Variants in DPP8 observed in about 807,000 individuals in gnomAD.
The protein encoded by DPP8 is DPP VIII.
DPP8 carries 31 observed loss-of-function variants against 107.5 expected under a neutral mutation model. That is an observed-to-expected ratio of 0.29 (90% CI 0.22 to 0.39). DPP8 has a LOEUF of 0.39. Among genes scored for constraint, DPP8 ranks in the 10% least tolerant of loss-of-function variants. The pLI is 1.00. For synonymous variants in DPP8, 381 were observed against 356.6 expected, an observed-to-expected ratio of 1.07 and a Z score of -0.77; for missense variants, 842 against 1,076.1, an observed-to-expected ratio of 0.78 and a Z score of 3.04.
At chr15:65,472,688 T>G (rs1362016610) in intron 12 of DPP8, among the ~76,000 whole-genome samples, 1 of 152,170 alleles carries the variant, frequency 6.6e-6, no homozygotes, top group Middle Eastern at 3.2e-3. Flanking sequence ...CAACTTTTGC[T>G]AGGCTCTAAA....
intron 12 of DPP8, among the ~76,000 whole-genome samples, chr15:65,472,993 G>T (rs1252484574): frequency 6.6e-6 from 1 of 151,322 alleles, no homozygotes; most frequent in Non-Finnish European, 1.5e-5. Context: ...AGCCAAGATT[G>T]TGCCACTGCA....
At chr15:65,485,416 C>T (rs8040330) in intron 7 of DPP8, among the ~76,000 whole-genome samples, 14 of 151,362 alleles carry the variant, frequency 9.2e-5, no homozygotes, top group African/African-American at 3.2e-4. Context: ...TGGTGGTGTG[C>T]GCCTGTAATC....
intron 16 of DPP8, 146 bp downstream of exon 16, chr15:65,456,079 C>T: frequency 1.9e-6 from 2 of 1,040,280 alleles, no homozygotes; most frequent in Non-Finnish European, 1.4e-6. Context: ...GTTGCATCTT[C>T]TCTCCCACCC....
intron 12 of DPP8, among the ~76,000 whole-genome samples, chr15:65,470,176 C>A (rs2065735486): frequency 1.0e-5 from 1 of 97,448 alleles, no homozygotes; most frequent in Non-Finnish European, 1.8e-5. Context: ...GCCTGTGCAA[C>A]AGAGTGAGAC....
intron 7 of DPP8, among the ~76,000 whole-genome samples, chr15:65,485,790 T>C (rs996111198): frequency 1.3e-5 from 2 of 151,344 alleles, no homozygotes; most frequent in East Asian, 2.0e-4. Flanking sequence ...AAACCCCATA[T>C]CTACAAAAAA....
At chr15:65,458,883 G>T (rs1281394715) in intron 15 of DPP8, 2 of 152,038 alleles carry the variant, frequency 1.3e-5, no homozygotes, top group Admixed American at 1.3e-4. Flanking sequence ...TCCTACATTA[G>T]AGAGTCACTT....
At chr15:65,481,226 T>C (rs2066899113) in intron 9 of DPP8, among the ~76,000 whole-genome samples, 1 of 152,202 alleles carries the variant, frequency 6.6e-6, no homozygotes, top group South Asian at 2.1e-4. Context: ...ATTTAAAAAA[T>C]ACACATTTAT....
chr15:65,509,721 A>T (rs1223182909), intron 2 of DPP8, among the ~76,000 whole-genome samples: 1 of 152,186 alleles, frequency 6.6e-6, no homozygotes, highest in Non-Finnish European at 1.5e-5. Context: ...ATGATTTCTT[A>T]TAAAAGAAAA....
intron 10 of DPP8, 28 bp from the exon 11 acceptor site, chr15:65,479,067 T>C (rs1595969791): frequency 1.4e-6 from 2 of 1,462,234 alleles, no homozygotes; most frequent in Non-Finnish European, 1.8e-6. Flanking sequence ...AAATTTACTA[T>C]ACATATTATG....
At chr15:65,447,045 A>G (rs2063532471) in intron 19 of DPP8, 39 bp from the exon 20 acceptor site, 2 of 1,466,162 alleles carry the variant, frequency 1.4e-6, no homozygotes, top group Non-Finnish European at 9.2e-7. Context: ...AAAAAAAAAA[A>G]GAATTTAGTA....
intron 14 of DPP8, 27 bp downstream of exon 14, chr15:65,466,651 G>T: frequency 6.2e-7 from 1 of 1,600,486 alleles, no homozygotes; most frequent in Non-Finnish European, 8.6e-7. Context: ...CCTACTTAAC[G>T]TCAGGATCAG....
chr15:65,498,896 ATTT>A (rs887495815), intron 4 of DPP8, among the ~76,000 whole-genome samples: 1 of 151,950 alleles, frequency 6.6e-6, no homozygotes, highest in Non-Finnish European at 1.5e-5. Flanking sequence ...TCTAAAAAAA[ATTT>A]TTTAAATTAG....
At position 65,490,289 on chromosome 15, in the gene DPP8, G is replaced by A. The variant is rs898693004; in HGVS notation, c.726C>T (p.Asn242=). The change falls in exon 6 of 20, where the codon AAC becomes AAT. Residue 242 remains asparagine, a synonymous_variant. Coordinates refer to ENST00000300141, the MANE Select transcript of DPP8 (RefSeq NM_130434.5). The stretch of plus-strand genomic sequence containing the variant: ...CAGCTGATCTGGCATCTTCTTCCAT[G>A]TTGGCTAGCTCTAGACAAATATAAA... The part of the protein sequence containing the change: ...RLTYVHNELA[N]MEEDARSAGV... 17 of 1,609,036 alleles carry A rather than the reference G, an allele frequency of 1.1e-5. No individual in the cohort carries two copies. The highest frequency in any genetic ancestry group is 1.4e-5 in the Non-Finnish European group (16 of 1,175,484).
chr15:65,467,509 G>A (rs566633153), intron 12 of DPP8, among the ~76,000 whole-genome samples: 16 of 152,128 alleles, frequency 1.1e-4, no homozygotes, highest in Non-Finnish European at 1.6e-4. Context: ...AGCCTCCTGA[G>A]TAGCTACAAG....
intron 1 of DPP8, 191 bp from the exon 2 acceptor site, chr15:65,512,755 T>C: frequency 1.7e-6 from 1 of 605,700 alleles, no homozygotes; most frequent in African/African-American, 1.9e-5. Context: ...AAAAATGAAA[T>C]TAAAAAAAAA....
intron 2 of DPP8, among the ~76,000 whole-genome samples, chr15:65,509,531 C>T (rs1257133278): frequency 6.6e-6 from 1 of 152,098 alleles, no homozygotes; most frequent in African/African-American, 2.4e-5. Flanking sequence ...CATTTTGGGC[C>T]CATGTCTTCA....
At chr15:65,466,008 T>C (rs972843655) in intron 14 of DPP8, among the ~76,000 whole-genome samples, 2 of 152,256 alleles carry the variant, frequency 1.3e-5, no homozygotes, top group Non-Finnish European at 1.5e-5. Flanking sequence ...TTCTCCAAAG[T>C]TGCAGCTTCC....
intron 15 of DPP8, among the ~76,000 whole-genome samples, chr15:65,462,780 A>C (rs920864075): frequency 6.6e-6 from 1 of 151,892 alleles, no homozygotes; most frequent in Non-Finnish European, 1.5e-5. Flanking sequence ...GGGTTTCATC[A>C]TTGTTGGCCA....
chr15:65,514,845 C>T (rs2071247086), intron 1 of DPP8, among the ~76,000 whole-genome samples: 1 of 152,108 alleles, frequency 6.6e-6, no homozygotes, highest in South Asian at 2.1e-4. Flanking sequence ...GACTGAGGGA[C>T]AAATGAGAAA....
Sources: allele counts gnomAD v4.1 joint callset (sites outside exome capture counted in the v4.1 genomes callset), GRCh38; gene constraint gnomAD v4.1.1; transcripts MANE v1.5; gene names NCBI Gene and HGNC (gene_info 2026-07-23, HGNC 2026-07-21).